Variants in MME observed in about 807,000 individuals in gnomAD.
The protein encoded by MME is membrane metalloendopeptidase.
A neutral mutation model predicts 113.2 loss-of-function variants in MME; 98 were observed. The ratio of observed to expected loss-of-function variants is 0.87; its 90% CI spans 0.74 to 1.02. The LOEUF (loss-of-function observed/expected upper bound fraction) is 1.02, where lower values mean the gene tolerates loss of function less well. Ranked by LOEUF, MME falls within the 50% of genes least tolerant of loss-of-function variation. MME has a pLI of 0.00. For missense variants in MME, 836 were observed against 896.0 expected, an observed-to-expected ratio of 0.93 and a Z score of 0.86; for synonymous variants, 292 against 300.6, an observed-to-expected ratio of 0.97 and a Z score of 0.30.
intron 1 of MME, among the ~76,000 whole-genome samples, chr3:155,031,314 A>T (rs1428412107): frequency 2.0e-4 from 30 of 152,112 alleles, no homozygotes; most frequent in Admixed American, 1.9e-3. Flanking sequence ...ATTCTGTAGC[A>T]ACTCTGTTCC....
chr3:155,099,387 A>G (rs1249160359), intron 3 of MME, among the ~76,000 whole-genome samples: 1 of 152,186 alleles, frequency 6.6e-6, no homozygotes, highest in East Asian at 1.9e-4. Flanking sequence ...CAGCGGTATA[A>G]TCTTCCTTTA....
chr3:155,097,780 G>A (rs1194999685), intron 3 of MME, among the ~76,000 whole-genome samples: 7 of 152,188 alleles, frequency 4.6e-5, no homozygotes. Flanking sequence ...CCGCCTGGGA[G>A]TGAGCTGGTA....
chr3:155,162,270 C>A (rs1722772856), intron 17 of MME, among the ~76,000 whole-genome samples: 1 of 152,192 alleles, frequency 6.6e-6, no homozygotes, highest in African/African-American at 2.4e-5. Context: ...TTCTGAATTA[C>A]CCCAAGCCCC....
At chr3:155,024,310 C>T (rs1319346887) in exon 1 of MME, 2 of 152,198 alleles carry the variant, frequency 1.3e-5, no homozygotes, top group Admixed American at 6.5e-5. Flanking sequence ...GTTTACACTA[C>T]ACACGCTCTT....
chr3:155,132,667 T>C (rs949476022), intron 8 of MME, among the ~76,000 whole-genome samples: 3 of 152,128 alleles, frequency 2.0e-5, no homozygotes, highest in Non-Finnish European at 4.4e-5. Flanking sequence ...CTGGCCTCTG[T>C]TGTAATAACT....
intron 3 of MME, among the ~76,000 whole-genome samples, chr3:155,100,053 G>T (rs1471749483): frequency 1.3e-5 from 2 of 152,144 alleles, no homozygotes; most frequent in African/African-American, 4.8e-5. Context: ...TGACAAATGG[G>T]ATCTAATTAA....
chr3:155,172,742 G>A (rs927462640), intron 22 of MME, 130 bp downstream of exon 22: 5 of 692,868 alleles, frequency 7.2e-6, no homozygotes, highest in African/African-American at 5.7e-5. Flanking sequence ...TTTTTTGAGA[G>A]TCAAAGGTAG....
At chr3:155,143,225 A>C (rs773516146) in intron 12 of MME, among the ~76,000 whole-genome samples, 1 of 152,208 alleles carries the variant, frequency 6.6e-6, no homozygotes, top group Non-Finnish European at 1.5e-5. Context: ...AAAAAGTTCT[A>C]CTGGGGCATC....
At chr3:155,133,062 A>AAAATATATATATATATATAT (rs1553762419) in intron 8 of MME, among the ~76,000 whole-genome samples, 10 of 75,076 alleles carry the variant, frequency 1.3e-4, no homozygotes, top group African/African-American at 3.9e-4. Flanking sequence ...AAAAAAAAAA[A>AAAATATATATATATATATAT]ATATATATAT....
At chr3:155,076,373 G>T (rs1383973454), upstream of MME, among the ~76,000 whole-genome samples, 1 of 152,156 alleles carries the variant, frequency 6.6e-6, no homozygotes, top group Admixed American at 6.5e-5. Flanking sequence ...CACTTTGTAT[G>T]AAGTCCCTTG....
chr3:155,180,540 G>A lies in MME; in HGVS notation c.*81G>A, dbSNP rs1342452350. 1 of 1,049,654 alleles carries A rather than the reference G, an allele frequency of 9.5e-7. No individual in the cohort carries two copies. The highest frequency in any genetic ancestry group is 2.4e-5 in the East Asian group (1 of 41,862). The allele number at this position is 1,049,654 out of a possible 1,614,324, so 65.0% of individuals were successfully genotyped here. On this transcript the variant is annotated 3_prime_UTR_variant, in exon 23 of 23. Coordinates refer to ENST00000360490, the MANE Select transcript of MME (RefSeq NM_007289.4). Reference sequence around the variant, plus strand: ...GGAATTCTCTAATCGAAAGAAAATGGGCCCTAGGGGTCACTGTACTGACTT... The same window carrying A: ...GGAATTCTCTAATCGAAAGAAAATGAGCCCTAGGGGTCACTGTACTGACTT...
chr3:155,082,853 C>T (rs1426293895), intron 1 of MME, among the ~76,000 whole-genome samples: 1 of 152,180 alleles, frequency 6.6e-6, no homozygotes, highest in Non-Finnish European at 1.5e-5. Flanking sequence ...TCTTCTTTCT[C>T]CTATGCCTCA....
Position 155,063,239 on chromosome 3 carries a change from T to TG in MME, c.-10-20919_-10-20918insG, listed in dbSNP as rs1191590903. On this transcript the variant is annotated intron_variant, in intron 1 of 22. Coordinates refer to the MME transcript ENST00000492661. Reference sequence around the variant, plus strand: ...ATATACATATGTATATTATTATATATTATATAATAATATACATATAATGTA... The same window carrying TG: ...ATATACATATGTATATTATTATATATGTATATAATAATATACATATAATGTA... 1.2e-3 allele frequency among the ~76,000 whole-genome samples: 143 copies of TG among 115,578 alleles called. 2 individuals are homozygous for TG. The highest frequency in any genetic ancestry group is 3.7e-3 in the African/African-American group (104 of 28,232). 75.8% of individuals were successfully genotyped at this position (115,578 alleles called of 152,430 possible).
chr3:155,102,354 T>G (rs1394685220), intron 3 of MME, among the ~76,000 whole-genome samples: 1 of 152,178 alleles, frequency 6.6e-6, no homozygotes, highest in East Asian at 1.9e-4. Flanking sequence ...GGGGTATACT[T>G]AAAATTATTG....
intron 3 of MME, among the ~76,000 whole-genome samples, chr3:155,098,083 A>T (rs1716887958): frequency 6.6e-6 from 1 of 152,112 alleles, no homozygotes; most frequent in South Asian, 2.1e-4. Context: ...ACACACATAT[A>T]AAAAAACATT....
In MME at chr3:155,144,435, C is replaced by CA. The variant is rs751149568; in HGVS notation, c.1400dup (p.Arg468GlufsTer3). The CA allele has an allele frequency of 6.3e-5, 102 of 1,610,724 alleles. No homozygotes were observed. The highest frequency in any genetic ancestry group is 8.3e-5 in the Non-Finnish European group (98 of 1,178,034). Reference sequence around the variant, plus strand: ...GACCTCACTTGGATGGATGCCGAGACAAAAAAGAGAGCTGAAGAAAAGGTA... The same window carrying CA: ...GACCTCACTTGGATGGATGCCGAGACAAAAAAAGAGAGCTGAAGAAAAGGTA... On this transcript the variant is annotated frameshift_variant, in exon 14 of 23. Coordinates refer to ENST00000360490, the MANE Select transcript of MME (RefSeq NM_007289.4). LOFTEE classifies it high-confidence loss of function.
At chr3:155,172,442 A>G in intron 21 of MME, 94 bp from the exon 22 acceptor site, 2 of 1,038,338 alleles carry the variant, frequency 1.9e-6, no homozygotes, top group Non-Finnish European at 1.5e-6. Flanking sequence ...GCAGAATTCC[A>G]ATTTAATTTT....
At chr3:155,153,491 A>G (rs1245931282) in intron 16 of MME, among the ~76,000 whole-genome samples, 1 of 152,208 alleles carries the variant, frequency 6.6e-6, no homozygotes. Context: ...TAAAATATTT[A>G]CTTCTAGTAA....
At chr3:155,119,732 A>T (rs1430928952) in intron 8 of MME, among the ~76,000 whole-genome samples, 7 of 149,538 alleles carry the variant, frequency 4.7e-5, no homozygotes, top group African/African-American at 1.5e-4. Flanking sequence ...TGTCCCTACA[A>T]AGGACATGAA....
Sources: allele counts gnomAD v4.1 joint callset (sites outside exome capture counted in the v4.1 genomes callset), GRCh38; gene constraint gnomAD v4.1.1; transcripts MANE v1.5; gene names NCBI Gene and HGNC (gene_info 2026-07-23, HGNC 2026-07-21).